AKAP6: variants seen among roughly 807,000 people sequenced by gnomAD.
AKAP6 encodes the protein A-kinase anchor protein 6.
A neutral mutation model predicts 188.5 loss-of-function variants in AKAP6; 58 were observed. That is an observed-to-expected ratio of 0.31 (90% CI 0.25 to 0.38). The LOEUF (loss-of-function observed/expected upper bound fraction) is 0.38, where lower values mean the gene tolerates loss of function less well. AKAP6 is among the 10% of genes least tolerant of loss of function. AKAP6 has a pLI of 1.00. For missense variants in AKAP6, 2,710 were observed against 2,740.0 expected (o/e 0.99, Z 0.24); for synonymous variants, 989 against 998.6 (o/e 0.99, Z 0.18).
intron 1 of AKAP6, among the ~76,000 whole-genome samples, chr14:32,398,493 T>A (rs1888951510): frequency 6.6e-6 from 1 of 152,176 alleles, no homozygotes; most frequent in Non-Finnish European, 1.5e-5. Context: ...TAGCCAGGAA[T>A]GGATTAAGAC....
At chr14:32,386,574 C>T (rs1239911181) in intron 1 of AKAP6, among the ~76,000 whole-genome samples, 2 of 152,078 alleles carry the variant, frequency 1.3e-5, no homozygotes, top group East Asian at 3.9e-4. Context: ...ACTCTGCTGA[C>T]TGTTTCTTTT....
intron 2 of AKAP6, among the ~76,000 whole-genome samples, chr14:32,468,047 C>G (rs899100283): frequency 6.6e-6 from 1 of 151,966 alleles, no homozygotes; most frequent in Non-Finnish European, 1.5e-5. Context: ...TCATTTTCAC[C>G]CTAATTGTCA....
intron 5 of AKAP6, among the ~76,000 whole-genome samples, chr14:32,585,521 C>T (rs1344587761): frequency 6.6e-6 from 1 of 150,840 alleles, no homozygotes; most frequent in Non-Finnish European, 1.5e-5. Flanking sequence ...TGTGTATGTA[C>T]AACACAACTG....
At chr14:32,523,337 A>G (rs998159955) in intron 2 of AKAP6, among the ~76,000 whole-genome samples, 4 of 152,172 alleles carry the variant, frequency 2.6e-5, no homozygotes, top group Non-Finnish European at 5.9e-5. Flanking sequence ...TTTTTTAAAA[A>G]AAGAATATCA....
At chr14:32,383,242 G>A (rs1473945122) in intron 1 of AKAP6, among the ~76,000 whole-genome samples, 1 of 151,876 alleles carries the variant, frequency 6.6e-6, no homozygotes, top group Non-Finnish European at 1.5e-5. Context: ...AACTTTAAAA[G>A]AATATCTTTT....
chr14:32,643,572 T>A (rs199881078), intron 7 of AKAP6, among the ~76,000 whole-genome samples: 1 of 152,070 alleles, frequency 6.6e-6, no homozygotes. Flanking sequence ...TCCCAAAGTG[T>A]TGGGATTACA....
chr14:32,821,833 A>G lies in AKAP6; in HGVS notation c.4020A>G (p.Leu1340=). The change falls in exon 13 of 14, where the codon CTA becomes CTG. Residue 1340 remains leucine, a synonymous_variant. Coordinates refer to ENST00000280979, the MANE Select transcript of AKAP6 (RefSeq NM_004274.5). ...CTACCAAATCTTTGCCAGATCTTCT[A>G]GGTGGTTCCAATTTGGTAAAGCCCT... ...FSSTKSLPDL[L]GGSNLVKPCA... is the part of the protein sequence containing the mutation. The G allele has an allele frequency of 6.2e-7, 1 of 1,613,832 alleles. No individual in the cohort carries two copies. Among genetic ancestry groups the G allele is most frequent in the Admixed American group, 1.7e-5 (1 of 59,918 alleles).
intron 12 of AKAP6, among the ~76,000 whole-genome samples, chr14:32,791,061 T>C (rs1307953021): frequency 6.6e-6 from 1 of 152,202 alleles, no homozygotes; most frequent in East Asian, 1.9e-4. Context: ...CTATTGCGAA[T>C]AGTGCTGCAA....
chr14:32,450,061 G>A (rs116819301), intron 2 of AKAP6, among the ~76,000 whole-genome samples: 1 of 152,278 alleles, frequency 6.6e-6, no homozygotes, highest in African/African-American at 2.4e-5. Flanking sequence ...GGAGATGGCA[G>A]GCCTAGTTCT....
chr14:32,749,092 A>G lies in AKAP6; in HGVS notation c.3372+13210A>G, dbSNP rs186033600. 2.9e-3 allele frequency among the ~76,000 whole-genome samples: 439 copies of G among 152,336 alleles called. 4 individuals are homozygous for G. The highest frequency in any genetic ancestry group is 0.01 in the African/African-American group (419 of 41,570). ...ATTCTTTTATAATTGGCCAATTAAT[A>G]GTATTTATTGAGTATCATCACTAGT... is the stretch of plus-strand genomic sequence containing the variant. On this transcript the variant is annotated intron_variant, in intron 11 of 13. Transcript: ENST00000280979.
At chr14:32,615,819 C>T (rs890347060) in intron 7 of AKAP6, among the ~76,000 whole-genome samples, 10 of 152,082 alleles carry the variant, frequency 6.6e-5, no homozygotes, top group African/African-American at 2.4e-4. Context: ...TGGTCTCGAT[C>T]TCCTGACCTC....
intron 2 of AKAP6, among the ~76,000 whole-genome samples, chr14:32,535,276 C>A (rs1184931433): frequency 6.6e-6 from 1 of 152,142 alleles, no homozygotes; most frequent in Non-Finnish European, 1.5e-5. Context: ...AGAGATGCAC[C>A]TCTCACCTTG....
intron 1 of AKAP6, chr14:32,402,260 A>G (rs1439235427): frequency 6.6e-6 from 1 of 152,236 alleles, no homozygotes; most frequent in East Asian, 1.9e-4. Context: ...GTTGTGTGAT[A>G]TCTTTTCAGC....
chr14:32,726,599 G>C (rs2030886332), intron 9 of AKAP6, among the ~76,000 whole-genome samples: 1 of 152,254 alleles, frequency 6.6e-6, no homozygotes, highest in Admixed American at 6.5e-5. Context: ...ATGGTGAAAA[G>C]AGAGGCTTGT....
rs190277781 is a variant in AKAP6 at position 32,571,766 on chromosome 14, C to T, written c.2347-5354C>T. 8.9e-4 allele frequency among the ~76,000 whole-genome samples: 136 copies of T among 152,252 alleles called. 1 individual carries two copies. Among genetic ancestry groups the T allele is most frequent in the Non-Finnish European group, 7.1e-4 (48 of 68,006 alleles). On this transcript the variant is annotated intron_variant, in intron 4 of 13. Transcript: ENST00000280979. Reference sequence around the variant, plus strand: ...GAATTAGCAGTTCAGGAGGGTGGCTCAACTGCCTTCTGAGAACTAAGGGCC... The same window carrying T: ...GAATTAGCAGTTCAGGAGGGTGGCTTAACTGCCTTCTGAGAACTAAGGGCC...
chr14:32,760,404 T>G (rs2032497186), intron 11 of AKAP6, among the ~76,000 whole-genome samples: 1 of 152,076 alleles, frequency 6.6e-6, no homozygotes, highest in African/African-American at 2.4e-5. Context: ...AGAGAAAGAG[T>G]ATGGAGGGCA....
chr14:32,673,413 A>G (rs1889301261), intron 7 of AKAP6, among the ~76,000 whole-genome samples: 1 of 152,206 alleles, frequency 6.6e-6, no homozygotes, highest in African/African-American at 2.4e-5. Context: ...GAGATATGAG[A>G]AAGTCTCAGT....
At chr14:32,730,110 C>T (rs74041670) in intron 9 of AKAP6, among the ~76,000 whole-genome samples, 149 of 152,198 alleles carry the variant, frequency 9.8e-4, no homozygotes, top group African/African-American at 2.6e-3. Flanking sequence ...GCTTGAGCCC[C>T]TAAACATATT....
chr14:32,359,202 A>G lies in AKAP6; in HGVS notation c.-35+29794A>G, dbSNP rs554382192. Among the ~76,000 whole-genome samples, 5 of 152,334 alleles carry G rather than the reference A, an allele frequency of 3.3e-5. No homozygotes were observed. The East Asian group carries it at 9.6e-4, about 29-fold the overall frequency. Reference sequence around the variant, plus strand: ...TTTAGTACAAAAAAAATTTTGGGGAAGTACAGGATGAAGAGCAATTTATCC... The same window carrying G: ...TTTAGTACAAAAAAAATTTTGGGGAGGTACAGGATGAAGAGCAATTTATCC... On this transcript the variant is annotated intron_variant, in intron 1 of 13. Coordinates refer to ENST00000280979, the MANE Select transcript of AKAP6 (RefSeq NM_004274.5).
Sources: allele counts gnomAD v4.1 joint callset (sites outside exome capture counted in the v4.1 genomes callset), GRCh38; gene constraint gnomAD v4.1.1; transcripts MANE v1.5; gene names NCBI Gene and HGNC (gene_info 2026-07-23, HGNC 2026-07-21).